EPS8L2: variants seen among roughly 807,000 people sequenced by gnomAD.
The protein encoded by EPS8L2 is epidermal growth factor receptor kinase substrate 8-like protein 2.
Under a neutral mutation model 99.4 loss-of-function variants are expected in EPS8L2, and 81 were observed. The ratio of observed to expected loss-of-function variants is 0.82; its 90% confidence interval spans 0.68 to 0.98. The LOEUF is 0.98. Among genes scored for constraint, EPS8L2 ranks in the 50% least tolerant of loss-of-function variants. The pLI is 0.00. For synonymous variants in EPS8L2, 509 were observed against 407.3 expected, an observed-to-expected ratio of 1.25 and a Z score of -3.01; for missense variants, 1,155 against 968.8, an observed-to-expected ratio of 1.19 and a Z score of -2.55.
chr11:720,990 G>GGGGAGGAGCCCGGCAGGGGA lies in EPS8L2; in HGVS notation c.558-56_558-55insGAGGGAGGAGCCCGGCAGGG, dbSNP rs1564975846. ...GGGGAGGGGAGGAGCCGGCAGGGGA[G>GGGGAGGAGCCCGGCAGGGGA]GGGAGGAGCCCGGCAGGGAGGGAGG... On this transcript the variant is annotated intron_variant, in intron 7 of 20. Coordinates refer to ENST00000318562, the MANE Select transcript of EPS8L2 (RefSeq NM_022772.4). 5.6e-5 allele frequency: 82 copies of GGGGAGGAGCCCGGCAGGGGA among 1,466,648 alleles called. 1 individual carries two copies. The highest frequency in any genetic ancestry group is 5.2e-5 in the Non-Finnish European group (57 of 1,095,964). The allele number at this position is 1,466,648 out of a possible 1,614,324, so 90.9% of individuals were successfully genotyped here.
Position 724,813 on chromosome 11 carries a change from A to T in EPS8L2, c.1544A>T (p.Lys515Met). 6.2e-7 allele frequency: 1 copy of T among 1,612,886 alleles called. No individual in the cohort carries two copies. The highest frequency in any genetic ancestry group is 8.5e-7 in the Non-Finnish European group (1 of 1,179,336). The change falls in exon 16 of 21, where the codon AAG becomes ATG. Residue 515 changes from lysine (K) to methionine (M), a missense_variant. Lys to Met is a moderately conservative substitution (Grantham distance 95, BLOSUM62 -1). Transcript: ENST00000318562. This position sits in a 1 kb window ranked among gnomAD's most constrained non-coding sequence, Gnocchi z 5.5. ...ARNANELSVL[K>M]DEVLEVLEDG... is the part of the protein sequence containing the mutation. ...AATGCCAACGAGCTATCGGTGCTCA[A>T]GGATGAGGTCCTAGAGGTGAGGGGC...
At chr11:719,988 G>T in intron 4 of EPS8L2, 74 bp from the exon 5 acceptor site, 1 of 1,489,094 alleles carries the variant, frequency 6.7e-7, no homozygotes, top group Non-Finnish European at 9.0e-7. Context: ...AGCCCCTCAG[G>T]CTGTGGCCCC....
At position 724,449 on chromosome 11, in the gene EPS8L2, G is replaced by A. The variant is rs1207509283; in HGVS notation, c.1455-275G>A. 2 of 480,210 alleles carry A rather than the reference G, an allele frequency of 4.2e-6. No individual in the cohort carries two copies. The highest frequency in any genetic ancestry group is 2.0e-5 in the African/African-American group (1 of 50,646). 29.7% of individuals were successfully genotyped at this position (480,210 alleles called of 1,614,324 possible). On this transcript the variant is annotated intron_variant, in intron 15 of 20. Transcript: ENST00000318562. This position sits in a 1 kb window ranked among gnomAD's most constrained non-coding sequence, Gnocchi z 5.5. ...GGGGTGCCGGACTGGAGACCCCTGAGGTGGCCTGGGATGGGCCAGCCTTGC... is the reference window on the plus strand; with the variant it reads ...GGGGTGCCGGACTGGAGACCCCTGAAGTGGCCTGGGATGGGCCAGCCTTGC...
intron 1 of EPS8L2, among the ~76,000 whole-genome samples, chr11:708,291 T>C (rs1216204031): frequency 6.6e-6 from 1 of 152,194 alleles, no homozygotes; most frequent in Non-Finnish European, 1.5e-5. Flanking sequence ...GTCAGCCTGG[T>C]TCAGGGCCAT....
intron 14 of EPS8L2, 126 bp from the exon 15 acceptor site, chr11:723,115 T>C (rs1489385680): frequency 3.4e-6 from 2 of 584,720 alleles, no homozygotes; most frequent in East Asian, 6.2e-5. Context: ...TCACCGGGCA[T>C]CAGGCTCCAT....
chr11:711,275 T>C (rs1285475982), intron 4 of EPS8L2, among the ~76,000 whole-genome samples: 12 of 151,500 alleles, frequency 7.9e-5, no homozygotes, highest in East Asian at 3.9e-4. Context: ...CGTGCGTGTG[T>C]GTGTGTGTGT....
rs369245047 is a variant in EPS8L2, at chr11:725,865, C to T, written c.1680+18C>T. The T allele has an allele frequency of 1.9e-4, 260 of 1,350,316 alleles. 1 individual carries two copies. Among genetic ancestry groups the T allele is most frequent in the Admixed American group, 2.4e-4 (6 of 25,214 alleles). The allele number at this position is 1,350,316 out of a possible 1,614,324, so 83.6% of individuals were successfully genotyped here. A position where few individuals can be genotyped will look rare whatever the true frequency, so the allele number is the denominator to read the frequency against. ...TCGAGCAGGTGAGCCCGCGGGGGTC[C>T]CTGGGGTCGCAGCCCCCAGCTTCCT... On this transcript the variant is annotated intron_variant, in intron 17 of 20. Transcript: ENST00000318562.
In EPS8L2 at chr11:713,631, G is replaced by A. The variant is rs185058059; in HGVS notation, c.165+3145G>A. 3.9e-4 allele frequency among the ~76,000 whole-genome samples: 59 copies of A among 152,166 alleles called. 1 individual carries two copies. In the East Asian group the frequency reaches 7.1e-3, roughly 18 times the overall value. On this transcript the variant is annotated intron_variant, in intron 4 of 20. Coordinates refer to ENST00000318562, the MANE Select transcript of EPS8L2 (RefSeq NM_022772.4). ...GTGATCTTGGTTCACTGCAACCTCC[G>A]CCTCAAGGGTTCAAGTGATTCTCCT...
In EPS8L2 at chr11:721,303, CGCA is replaced by C; in HGVS notation, c.721_723del (p.Gln241del). ...CCATCAGGTTTCCGCCGTCGGGAGT[CGCA>C]GGAGGAGCCGCGGGCCGTGCTGGCT... On this transcript the variant is annotated inframe_deletion, in exon 9 of 21. Transcript: ENST00000318562. The C allele has an allele frequency of 6.5e-7, 1 of 1,540,164 alleles. No individual in the cohort carries two copies. The highest frequency in any genetic ancestry group is 8.7e-7 in the Non-Finnish European group (1 of 1,146,592).
At position 727,034 on chromosome 11, in the gene EPS8L2, T is replaced by G; in HGVS notation, c.*53T>G. The G allele has an allele frequency of 8.3e-7, 1 of 1,209,078 alleles. No individual in the cohort carries two copies. The highest frequency in any genetic ancestry group is 1.2e-6 in the Non-Finnish European group (1 of 826,068). The allele number at this position is 1,209,078 out of a possible 1,614,324, so 74.9% of individuals were successfully genotyped here. ...GGAGGGGAAGCCCACCCACAATGCA[T>G]GGAGTATTATTTTTATATGTGTATG... On this transcript the variant is annotated 3_prime_UTR_variant, in exon 21 of 21. Transcript: ENST00000318562.
chr11:708,199 C>T (rs980957966), intron 1 of EPS8L2, among the ~76,000 whole-genome samples: 42 of 152,330 alleles, frequency 2.8e-4, no homozygotes, highest in African/African-American at 1.0e-3. Flanking sequence ...TGGCAGGAGG[C>T]AGATGGTGTG....
Position 724,222 on chromosome 11 carries a change from C to T in EPS8L2, c.1455-502C>T, listed in dbSNP as rs545677253. Among the ~76,000 whole-genome samples the T allele has an allele frequency of 6.6e-6, 1 of 152,310 alleles. No homozygotes were observed. Among genetic ancestry groups the T allele is most frequent in the East Asian group, 1.9e-4 (1 of 5,178 alleles). On this transcript the variant is annotated intron_variant, in intron 15 of 20. Transcript: ENST00000318562. The surrounding 1 kb of genome is among the most constrained non-coding windows in gnomAD (Gnocchi z 5.5). Reference sequence around the variant, plus strand: ...CATGCCAAAGCCAGGACCCCTCAGCCAGGGCCAGCCCCCCCGCGCTTTTGA... The same window carrying T: ...CATGCCAAAGCCAGGACCCCTCAGCTAGGGCCAGCCCCCCCGCGCTTTTGA...
At chr11:726,798 C>T (rs762487631) in intron 20 of EPS8L2, 47 bp downstream of exon 20, 1 of 1,578,390 alleles carries the variant, frequency 6.3e-7, no homozygotes. Flanking sequence ...GCCCCTGCGC[C>T]CTCCTCTCCC....
At position 710,208 on chromosome 11, in the gene EPS8L2, G is replaced by A. The variant is rs1861847850; in HGVS notation, c.101-214G>A. ...TCAGAGCAAGCCCATCGCCTTCTCC[G>A]AGCTGCGTCCTTCTCCAAGGGGGCT... is the stretch of plus-strand genomic sequence containing the variant. On this transcript the variant is annotated intron_variant, in intron 3 of 20. Transcript: ENST00000318562. 18 of 562,102 alleles carry A rather than the reference G, an allele frequency of 3.2e-5. No homozygotes were observed. In the Admixed American group the frequency reaches 5.1e-4, roughly 16 times the overall value. The allele number at this position is 562,102 out of a possible 1,614,324, so 34.8% of individuals were successfully genotyped here.
chr11:722,645 G>A (rs1862211861), intron 13 of EPS8L2, 28 bp from the exon 14 acceptor site: 1 of 1,607,990 alleles, frequency 6.2e-7, no homozygotes, highest in Non-Finnish European at 8.5e-7. Flanking sequence ...TGGAGAGGCA[G>A]GGCTGACTTC....
Position 726,966 on chromosome 11 carries a change from G to T in EPS8L2, c.2133G>T (p.Arg711Ser), listed in dbSNP as rs202059125. Residue 711 changes from arginine to serine, a missense_variant, in exon 21 of 21, where the codon AGG (arginine) becomes AGT (serine). Arg to Ser is a moderately radical substitution (Grantham distance 110). Transcript: ENST00000318562. Reference protein sequence around the residue: ...MNKFHSMNQRRGEDS With the variant: ...MNKFHSMNQRSGEDS The stretch of plus-strand genomic sequence containing the variant: ...AGTTTCATTCCATGAATCAGAGGAG[G>T]GGGGAGGACAGCTAGGCCCAGCTGC... The T allele has an allele frequency of 2.9e-5, 47 of 1,613,106 alleles. No individual in the cohort carries two copies. Among genetic ancestry groups the T allele is most frequent in the East Asian group, 1.1e-4 (5 of 44,890 alleles).
chr11:722,542 C>T lies in EPS8L2; in HGVS notation c.1201C>T (p.Arg401Trp), dbSNP rs765096109. The change falls in exon 13 of 21, where the codon CGG (arginine) becomes TGG (tryptophan). Residue 401 changes from arginine (R) to tryptophan (W), a missense_variant. Physicochemically the swap from Arg to Trp is moderately radical, Grantham distance 101. Coordinates refer to ENST00000318562, the MANE Select transcript of EPS8L2 (RefSeq NM_022772.4). Reference sequence around the variant, plus strand: ...GGAGTCACTGGGAGAGAGCTGGATGCGGCCCCGGTAGGGCAGGGCAGAGCA... The same window carrying T: ...GGAGTCACTGGGAGAGAGCTGGATGTGGCCCCGGTAGGGCAGGGCAGAGCA... ...LWESLGESWM[R>W]PRSEWPREPQ... The T allele has an allele frequency of 2.4e-5, 38 of 1,612,732 alleles. No homozygotes were observed. The highest frequency in any genetic ancestry group is 8.9e-5 in the East Asian group (4 of 44,862).
chr11:721,920 C>T lies in EPS8L2; in HGVS notation c.913C>T (p.Arg305Trp), dbSNP rs1862189296. The T allele has an allele frequency of 1.9e-6, 3 of 1,593,234 alleles. No individual in the cohort carries two copies. The highest frequency in any genetic ancestry group is 1.8e-5 in the Admixed American group (1 of 56,772). Residue 305 changes from arginine (R) to tryptophan (W), a missense_variant, in exon 11 of 21, where the codon CGG becomes TGG. Coordinates refer to ENST00000318562, the MANE Select transcript of EPS8L2 (RefSeq NM_022772.4). ...CATGCCAGAGGGCGTCCTCACACTG[C>T]GGGCACGGCCCCCCTCTGAGGGCGA... ...KAPAEGVLTLRARPPSEGEFI... is the reference protein window; with the variant it reads ...KAPAEGVLTLWARPPSEGEFI...
chr11:718,796 G>T (rs1299275983), intron 4 of EPS8L2, among the ~76,000 whole-genome samples: 1 of 151,548 alleles, frequency 6.6e-6, no homozygotes, highest in African/African-American at 2.4e-5. Context: ...AGCCTCCCGA[G>T]TAGCTGGGAC....
Sources: gnomAD v4.1 joint callset for allele counts (sites outside exome capture counted in the v4.1 genomes callset) on GRCh38, gnomAD v4.1.1 for gene constraint, Gnocchi (gnomAD v3.1) non-coding constraint, MANE v1.5 for transcripts, NCBI Gene and HGNC (gene_info 2026-07-23, HGNC 2026-07-21) for gene names.